CPQ: variants seen among roughly 807,000 people sequenced by gnomAD.
CPQ encodes the protein Ser-Met dipeptidase.
CPQ carries 37 observed loss-of-function variants against 45.7 expected under a neutral mutation model. The ratio of observed to expected loss-of-function variants is 0.81; its 90% confidence interval spans 0.62 to 1.07. The LOEUF (loss-of-function observed/expected upper bound fraction) is 1.07, where lower values mean the gene tolerates loss of function less well. CPQ is among the 50% of genes least tolerant of loss of function. The pLI, the probability that CPQ is intolerant of heterozygous loss-of-function variation, is 0.00. For missense variants in CPQ, 537 were observed against 572.9 expected (o/e 0.94, Z 0.64); for synonymous variants, 186 against 205.8 (o/e 0.90, Z 0.82).
chr8:97,102,314 AC>A (rs1383958106), intron 7 of CPQ, among the ~76,000 whole-genome samples: 1 of 152,016 alleles, frequency 6.6e-6, no homozygotes, highest in Admixed American at 6.6e-5. Context: ...TTACTAAGTC[AC>A]CCCCATCCAA....
At chr8:97,082,788 A>T (rs1810973250) in intron 7 of CPQ, among the ~76,000 whole-genome samples, 1 of 152,004 alleles carries the variant, frequency 6.6e-6, no homozygotes, top group Admixed American at 6.6e-5. Flanking sequence ...CTGTCCTCCC[A>T]CTCCCACCCC....
intron 2 of CPQ, among the ~76,000 whole-genome samples, chr8:96,815,510 GA>G (rs374516882): frequency 6.6e-6 from 1 of 151,796 alleles, no homozygotes; most frequent in Admixed American, 6.6e-5. Flanking sequence ...GGGGTTGGAG[GA>G]AAAAAAGAAA....
intron 1 of CPQ, among the ~76,000 whole-genome samples, chr8:96,686,342 A>G (rs1809226791): frequency 6.6e-6 from 1 of 152,018 alleles, no homozygotes; most frequent in Admixed American, 6.6e-5. Context: ...CAACAGAGAT[A>G]TTTTGTCATA....
intron 3 of CPQ, among the ~76,000 whole-genome samples, chr8:96,871,170 T>C (rs940175580): frequency 6.6e-6 from 1 of 152,036 alleles, no homozygotes; most frequent in Non-Finnish European, 1.5e-5. Flanking sequence ...AAATATCTCA[T>C]ATACAACTTT....
intron 1 of CPQ, among the ~76,000 whole-genome samples, chr8:96,654,747 T>A (rs1815618252): frequency 6.6e-6 from 1 of 152,228 alleles, no homozygotes; most frequent in African/African-American, 2.4e-5. Context: ...ATAGTTCTTG[T>A]TTAAGCCAAA....
chr8:96,761,781 A>G (rs759319256), intron 1 of CPQ, among the ~76,000 whole-genome samples: 1 of 152,232 alleles, frequency 6.6e-6, no homozygotes, highest in Non-Finnish European at 1.5e-5. Flanking sequence ...TAGGACTTTT[A>G]AAGTTGACAT....
chr8:97,126,047 A>G (rs934922605), intron 7 of CPQ, among the ~76,000 whole-genome samples: 2 of 152,178 alleles, frequency 1.3e-5, no homozygotes, highest in African/African-American at 4.8e-5. Context: ...CCTAGGCTGT[A>G]GTTAACTATG....
chr8:96,964,173 TACACACACACACACACAC>T (rs71267285), intron 4 of CPQ, among the ~76,000 whole-genome samples: 44 of 133,454 alleles, frequency 3.3e-4, no homozygotes, highest in Admixed American at 9.8e-4. Flanking sequence ...GGTTAAAGTA[TACACACACACACACACAC>T]ACACACACAC....
chr8:96,965,951 G>A lies in CPQ; in HGVS notation c.866G>A (p.Gly289Glu), dbSNP rs1232798629. The A allele has an allele frequency of 1.2e-6, 2 of 1,612,598 alleles. No individual in the cohort carries two copies. Among genetic ancestry groups the A allele is most frequent in the South Asian group, 2.2e-5 (2 of 90,886 alleles). The part of the protein sequence containing the change: ...KYPEQVVLVS[G>E]HLDSWDVGQG... ...TTGTTCTAGGTTGTACTGGTCAGTG[G>A]ACATCTGGACAGCTGGGATGTTGGG... The change falls in exon 5 of 8, where the codon GGA becomes GAA. Residue 289 changes from glycine (G) to glutamate (E), a missense_variant. Transcript: ENST00000220763.
intron 1 of CPQ, among the ~76,000 whole-genome samples, chr8:96,669,046 C>T (rs913609157): frequency 6.6e-6 from 1 of 152,218 alleles, no homozygotes; most frequent in Non-Finnish European, 1.5e-5. Context: ...TAGATGTCTA[C>T]TCTAATAAGG....
At chr8:96,948,416 G>T (rs1427545405) in intron 4 of CPQ, among the ~76,000 whole-genome samples, 1 of 152,038 alleles carries the variant, frequency 6.6e-6, no homozygotes, top group Non-Finnish European at 1.5e-5. Context: ...TTGTTTAAAA[G>T]TGTGTTCTTT....
At chr8:97,105,904 A>C (rs1363497161) in intron 7 of CPQ, among the ~76,000 whole-genome samples, 1 of 152,200 alleles carries the variant, frequency 6.6e-6, no homozygotes, top group Non-Finnish European at 1.5e-5. Flanking sequence ...CTTTGTTTCT[A>C]GGATGCAGTT....
intron 6 of CPQ, among the ~76,000 whole-genome samples, chr8:97,050,392 A>G (rs1236391677): frequency 6.6e-6 from 1 of 152,218 alleles, no homozygotes; most frequent in Non-Finnish European, 1.5e-5. Flanking sequence ...ATACAATACA[A>G]TGAATATGTT....
chr8:96,959,663 T>C (rs369126141), intron 4 of CPQ, among the ~76,000 whole-genome samples: 2 of 152,116 alleles, frequency 1.3e-5, no homozygotes, highest in African/African-American at 4.8e-5. Flanking sequence ...GCCTCTTCTC[T>C]AAGGCTAAAT....
chr8:96,798,091 A>G (rs971439548), intron 2 of CPQ, among the ~76,000 whole-genome samples: 1 of 150,728 alleles, frequency 6.6e-6, no homozygotes, highest in African/African-American at 2.4e-5. Context: ...TTCATTTTTT[A>G]TACCCTTTCC....
At chr8:97,121,711 T>A (rs1416135726) in intron 7 of CPQ, among the ~76,000 whole-genome samples, 2 of 152,068 alleles carry the variant, frequency 1.3e-5, no homozygotes, top group Non-Finnish European at 2.9e-5. Context: ...ATGATAGTGA[T>A]GATGAAATTT....
chr8:96,825,306 T>C (rs886841465), intron 2 of CPQ, among the ~76,000 whole-genome samples: 6 of 152,012 alleles, frequency 3.9e-5, no homozygotes, highest in Non-Finnish European at 5.9e-5. Context: ...ATAGTTAGGA[T>C]GTAAGGTATA....
intron 4 of CPQ, among the ~76,000 whole-genome samples, chr8:96,906,642 A>G (rs117990540): frequency 0.012 from 1,813 of 152,282 alleles, 16 homozygotes; most frequent in Non-Finnish European, 0.017. Flanking sequence ...TAGCTGACTC[A>G]GTGTCTGATG....
In CPQ at chr8:96,987,297, A is replaced by G. The variant is rs142359079; in HGVS notation, c.961+21251A>G. Among the ~76,000 whole-genome samples the G allele has an allele frequency of 4.7e-4, 72 of 152,270 alleles. 1 individual carries two copies. The East Asian group carries it at 0.013, about 27-fold the overall frequency. ...ATAGTGTCTTTCAGGTTTAGAACTG[A>G]CCACAGTCAAGTACTTTAGGACAGG... On this transcript the variant is annotated intron_variant, in intron 5 of 7. Transcript: ENST00000220763.
Sources: allele counts gnomAD v4.1 joint callset (sites outside exome capture counted in the v4.1 genomes callset), GRCh38; gene constraint gnomAD v4.1.1; transcripts MANE v1.5; gene names NCBI Gene and HGNC (gene_info 2026-07-23, HGNC 2026-07-21).